Variants in ZNF266 observed in about 807,000 individuals in gnomAD.
The protein encoded by ZNF266 is zinc finger protein 1.
A neutral mutation model predicts 16.4 loss-of-function variants in ZNF266; 16 were observed. That is an observed-to-expected ratio of 0.98 (90% CI 0.66 to 1.48). The LOEUF is 1.48. Among genes scored for constraint, ZNF266 ranks in the 40% most tolerant of loss-of-function variants. ZNF266 has a pLI of 0.00. For missense variants in ZNF266, 738 were observed against 689.1 expected (o/e 1.07, Z -0.79); for synonymous variants, 262 against 237.9 (o/e 1.10, Z -0.93).
chr19:9,412,760 T>C lies in ZNF266; in HGVS notation c.*515A>G, dbSNP rs2068440225. Reference sequence around the variant, plus strand: ...CATCTTCTGGTGGATCCACACAGTCTTCTCCATGTGTATCCTTCCTTCAGT... The same window carrying C: ...CATCTTCTGGTGGATCCACACAGTCCTCTCCATGTGTATCCTTCCTTCAGT... On this transcript the variant is annotated 3_prime_UTR_variant, in exon 11 of 11. Transcript: ENST00000592904. 6.5e-6 allele frequency: 1 copy of C among 154,386 alleles called. No individual in the cohort carries two copies. The highest frequency in any genetic ancestry group is 6.4e-5 in the Admixed American group (1 of 15,656). 9.6% of individuals were successfully genotyped at this position (154,386 alleles called of 1,614,324 possible). A position where few individuals can be genotyped will look rare whatever the true frequency, so the allele number is the denominator to read the frequency against.
intron 5 of ZNF266, among the ~76,000 whole-genome samples, chr19:9,430,169 C>T: frequency 6.6e-6 from 1 of 152,182 alleles, no homozygotes; most frequent in Non-Finnish European, 1.5e-5. Context: ...AATACAGAAA[C>T]ATGGTTTCCC....
At chr19:9,429,893 T>A (rs187610728) in intron 5 of ZNF266, among the ~76,000 whole-genome samples, 276 of 152,306 alleles carry the variant, frequency 1.8e-3, no homozygotes, top group Admixed American at 4.2e-3. Flanking sequence ...TACTCCATGA[T>A]GCCTTCTAAT....
intron 5 of ZNF266, among the ~76,000 whole-genome samples, chr19:9,427,732 C>T (rs970303350): frequency 6.6e-6 from 1 of 152,154 alleles, no homozygotes; most frequent in African/African-American, 2.4e-5. Context: ...CCCAACAGAT[C>T]TGTCATCACA....
chr19:9,423,101 T>C (rs192732137), intron 5 of ZNF266, among the ~76,000 whole-genome samples: 2 of 152,300 alleles, frequency 1.3e-5, no homozygotes, highest in East Asian at 3.9e-4. Context: ...TTAAAAAATG[T>C]TCATGACAGC....
At chr19:9,417,807 C>A (rs375593901) in intron 9 of ZNF266, 21 bp downstream of exon 9, 2 of 1,605,182 alleles carry the variant, frequency 1.2e-6, no homozygotes, top group African/African-American at 2.7e-5. Context: ...TTGACCAGGG[C>A]GGTCCTTTGT....
intron 5 of ZNF266, among the ~76,000 whole-genome samples, chr19:9,430,591 A>G (rs1047913275): frequency 6.6e-6 from 1 of 152,158 alleles, no homozygotes; most frequent in African/African-American, 2.4e-5. Context: ...TAGGCCTGAC[A>G]TAAGTTATTT....
In ZNF266 at chr19:9,430,559, A is replaced by G. The variant is rs887310521; in HGVS notation, c.-130+3109T>C. Among the ~76,000 whole-genome samples, 5 of 152,144 alleles carry G rather than the reference A, an allele frequency of 3.3e-5. 1 individual carries two copies. The highest frequency in any genetic ancestry group is 5.9e-5 in the Non-Finnish European group (4 of 68,030). Reference sequence around the variant, plus strand: ...AAATCATCAGCTCATACCCTCCAACATAACTGCCCTACATCTATTTTTAGG... The same window carrying G: ...AAATCATCAGCTCATACCCTCCAACGTAACTGCCCTACATCTATTTTTAGG... On this transcript the variant is annotated intron_variant, in intron 5 of 10. Coordinates refer to ENST00000592904, the MANE Select transcript of ZNF266 (RefSeq NM_001370374.1).
At chr19:9,423,547 T>C (rs898738351) in intron 5 of ZNF266, among the ~76,000 whole-genome samples, 1 of 152,110 alleles carries the variant, frequency 6.6e-6, no homozygotes, top group African/African-American at 2.4e-5. Context: ...TGGATCTACA[T>C]GAAAAGTGGA....
chr19:9,424,441 C>T (rs143460801), intron 5 of ZNF266, among the ~76,000 whole-genome samples: 9 of 152,026 alleles, frequency 5.9e-5, no homozygotes, highest in Admixed American at 2.6e-4. Context: ...TCTGGGCGAA[C>T]GAAGATTTGT....
At chr19:9,421,903 G>A (rs1038665152) in intron 5 of ZNF266, among the ~76,000 whole-genome samples, 1 of 151,736 alleles carries the variant, frequency 6.6e-6, no homozygotes, top group Non-Finnish European at 1.5e-5. Context: ...CCAGGCTGGA[G>A]TGCAGTGGCG....
intron 5 of ZNF266, among the ~76,000 whole-genome samples, chr19:9,431,873 C>T (rs1479278628): frequency 6.6e-6 from 1 of 152,212 alleles, no homozygotes; most frequent in Admixed American, 6.5e-5. Flanking sequence ...AGCGCACGCA[C>T]GACCTTTGAC....
At chr19:9,417,769 C>A in intron 9 of ZNF266, 59 bp downstream of exon 9, 3 of 1,449,860 alleles carry the variant, frequency 2.1e-6, no homozygotes, top group Non-Finnish European at 1.9e-6. Context: ...AAAGTTTCCT[C>A]ATTATACTTA....
chr19:9,431,376 G>A (rs1458364459), intron 5 of ZNF266, among the ~76,000 whole-genome samples: 3 of 152,156 alleles, frequency 2.0e-5, no homozygotes, highest in African/African-American at 7.2e-5. Context: ...CACATGTGCC[G>A]ACTGGCTTGA....
rs117535859 is a variant in ZNF266, at chr19:9,431,557, C to T, written c.-130+2111G>A. Among the ~76,000 whole-genome samples the T allele has an allele frequency of 1.0e-3, 153 of 152,344 alleles. 2 individuals carry two copies. In the East Asian group the frequency reaches 0.025, roughly 25 times the overall value. On this transcript the variant is annotated intron_variant, in intron 5 of 10. Transcript: ENST00000592904. ...CCTGTGCATAGCTGCCCATCACCAT[C>T]AGTGTGAGTGTGCCCCAGAGGTGTG...
chr19:9,422,130 G>A (rs536032785), intron 5 of ZNF266, among the ~76,000 whole-genome samples: 4 of 150,642 alleles, frequency 2.7e-5, no homozygotes, highest in South Asian at 2.1e-4. Context: ...GATTACAGGC[G>A]TGAGCCACTG....
chr19:9,414,056 T>A lies in ZNF266; in HGVS notation c.1070A>T (p.His357Leu). 1 of 1,614,132 alleles carries A rather than the reference T, an allele frequency of 6.2e-7. No individual in the cohort carries two copies. The highest frequency in any genetic ancestry group is 1.7e-5 in the Admixed American group (1 of 60,024). ...SSCLSQHMKIHVGEKPYECKE... is the reference protein window; with the variant it reads ...SSCLSQHMKILVGEKPYECKE... ...GCATTCATAAGGCTTCTCACCCACA[T>A]GGATTTTCATATGTTGACTTAAGCA... Residue 357 changes from histidine (H) to leucine (L), a missense_variant, in exon 11 of 11, where the codon CAT becomes CTT. His to Leu is a moderately conservative substitution (Grantham distance 99, BLOSUM62 -3). Transcript: ENST00000592904.
At chr19:9,426,502 G>GA (rs2070770880) in intron 5 of ZNF266, among the ~76,000 whole-genome samples, 18 of 148,306 alleles carry the variant, frequency 1.2e-4, no homozygotes, top group African/African-American at 4.0e-4. Flanking sequence ...AAAAAAAAAG[G>GA]AAAAAAAGCC....
At chr19:9,428,801 A>G (rs149237162) in intron 5 of ZNF266, among the ~76,000 whole-genome samples, 5,097 of 152,092 alleles carry the variant, frequency 0.034, 227 homozygotes, top group African/African-American at 0.099. Context: ...TCCAAACACT[A>G]AAGGCACAAT....
chr19:9,433,319 A>G (rs781604198), intron 5 of ZNF266, among the ~76,000 whole-genome samples: 17 of 152,144 alleles, frequency 1.1e-4, no homozygotes, highest in South Asian at 2.1e-4. Context: ...ATTTACTTAC[A>G]TGGATTGTAT....
Sources: gnomAD v4.1 joint callset for allele counts (sites outside exome capture counted in the v4.1 genomes callset) on GRCh38, gnomAD v4.1.1 for gene constraint, MANE v1.5 for transcripts, NCBI Gene and HGNC (gene_info 2026-07-23, HGNC 2026-07-21) for gene names.